Variants in MAST4 observed in about 807,000 individuals in gnomAD.
MAST4 encodes the protein microtubule associated serine/threonine kinase family member 4.
A neutral mutation model predicts 162.7 loss-of-function variants in MAST4; 89 were observed. The observed-to-expected ratio is 0.55, with a 90% CI of 0.46 to 0.65. The LOEUF (loss-of-function observed/expected upper bound fraction) is 0.65, where lower values mean the gene tolerates loss of function less well. Ranked by LOEUF, MAST4 falls within the 30% of genes least tolerant of loss-of-function variation. The pLI, the probability that MAST4 is intolerant of heterozygous loss-of-function variation, is 0.00. For missense variants in MAST4, 3,153 were observed against 3,374.0 expected, an observed-to-expected ratio of 0.93 and a Z score of 1.62; for synonymous variants, 1,479 against 1,361.1, an observed-to-expected ratio of 1.09 and a Z score of -1.91.
At chr5:66,652,807 T>C (rs886993949) in intron 1 of MAST4, among the ~76,000 whole-genome samples, 2 of 152,232 alleles carry the variant, frequency 1.3e-5, no homozygotes, top group Non-Finnish European at 2.9e-5. Context: ...ACATTTAGCT[T>C]TCTTTAGGTT....
At chr5:66,916,610 T>C (rs990327971) in intron 4 of MAST4, among the ~76,000 whole-genome samples, 7 of 152,224 alleles carry the variant, frequency 4.6e-5, no homozygotes, top group Admixed American at 6.5e-5. Context: ...TAGGTAGTCA[T>C]TGTTAGACTG....
intron 4 of MAST4, among the ~76,000 whole-genome samples, chr5:66,938,363 T>A (rs1466389596): frequency 6.6e-6 from 1 of 152,210 alleles, no homozygotes; most frequent in African/African-American, 2.4e-5. Flanking sequence ...ACATAGTGCC[T>A]TGTTCATATT....
At chr5:67,095,485 C>A in intron 6 of MAST4, 112 bp from the exon 7 acceptor site, 4 of 727,022 alleles carry the variant, frequency 5.5e-6, no homozygotes, top group Non-Finnish European at 8.9e-6. Context: ...ATTTCCACAT[C>A]CTCACAGACT....
chr5:67,057,236 T>A (rs991595118), intron 5 of MAST4, among the ~76,000 whole-genome samples: 1 of 152,216 alleles, frequency 6.6e-6, no homozygotes. Context: ...TCTGTTGCTA[T>A]GTTCTCTATC....
intron 4 of MAST4, among the ~76,000 whole-genome samples, chr5:66,940,173 G>A (rs1743211976): frequency 6.6e-6 from 1 of 152,128 alleles, no homozygotes; most frequent in Admixed American, 6.6e-5. Flanking sequence ...ACAAGATCCT[G>A]TGAGCCTTCA....
intron 5 of MAST4, among the ~76,000 whole-genome samples, chr5:67,075,595 A>AG (rs1340771079): frequency 8.9e-4 from 135 of 152,284 alleles, no homozygotes; most frequent in African/African-American, 3.2e-3. Context: ...TTTATCTTTT[A>AG]GAAAAAAAAA....
At chr5:66,720,008 T>C (rs1751094688) in intron 1 of MAST4, among the ~76,000 whole-genome samples, 1 of 152,204 alleles carries the variant, frequency 6.6e-6, no homozygotes, top group Non-Finnish European at 1.5e-5. Context: ...AATGTAATAA[T>C]AGTAATACCA....
rs541639193 is a variant in MAST4, at chr5:66,934,214, C to CTTTATTTTATTTTATTTTAT, written c.674+34246_674+34265dup. Among the ~76,000 whole-genome samples, 141 of 150,128 alleles carry CTTTATTTTATTTTATTTTAT rather than the reference C, an allele frequency of 9.4e-4. 1 individual carries two copies. Among genetic ancestry groups the CTTTATTTTATTTTATTTTAT allele is most frequent in the Middle Eastern group, 6.8e-3 (2 of 292 alleles). ...TATTGACTACTCTGGCAGAGGCTTC[C>CTTTATTTTATTTTATTTTAT]TTTATTTTATTTTATTTTATTTTAT... On this transcript the variant is annotated intron_variant, in intron 4 of 28. Coordinates refer to ENST00000403625, the MANE Select transcript of MAST4 (RefSeq NM_001164664.2).
At chr5:66,736,684 G>A (rs1443035274) in intron 1 of MAST4, among the ~76,000 whole-genome samples, 1 of 152,174 alleles carries the variant, frequency 6.6e-6, no homozygotes, top group East Asian at 1.9e-4. Flanking sequence ...GTTAACAGTG[G>A]TCTATTCTTT....
At chr5:66,773,941 G>T (rs1754470260) in intron 2 of MAST4, among the ~76,000 whole-genome samples, 1 of 152,228 alleles carries the variant, frequency 6.6e-6, no homozygotes, top group Non-Finnish European at 1.5e-5. Context: ...GCATAAGGTT[G>T]TGCAGCTCCC....
intron 4 of MAST4, among the ~76,000 whole-genome samples, chr5:66,917,842 T>C (rs34075112): frequency 0.038 from 5,744 of 152,236 alleles, 213 homozygotes; most frequent in African/African-American, 0.094. Flanking sequence ...ACTCTCCTTT[T>C]ACACTTTCAT....
intron 2 of MAST4, among the ~76,000 whole-genome samples, chr5:66,763,624 T>C (rs1002252212): frequency 4.6e-5 from 7 of 152,226 alleles, no homozygotes; most frequent in African/African-American, 1.7e-4. Flanking sequence ...TGTTTTAATA[T>C]TGAAAGAGAC....
At position 66,923,955 on chromosome 5, in the gene MAST4, A is replaced by G. The variant is rs550958855; in HGVS notation, c.674+23973A>G. Among the ~76,000 whole-genome samples the G allele has an allele frequency of 5.3e-5, 8 of 152,246 alleles. No individual in the cohort carries two copies. In the South Asian group the frequency reaches 1.7e-3, roughly 32 times the overall value. On this transcript the variant is annotated intron_variant, in intron 4 of 28. Transcript: ENST00000403625. ...GCTCATCTTAAGATGTGTTTTAAAA[A>G]CCTGTCATAAAAGAGTTAGGTGGCC... is the stretch of plus-strand genomic sequence containing the variant.
Position 67,165,768 on chromosome 5 carries a change from G to A in MAST4, c.6589G>A (p.Gly2197Ser). 1 of 1,600,990 alleles carries A rather than the reference G, an allele frequency of 6.2e-7. No individual in the cohort carries two copies. The highest frequency in any genetic ancestry group is 8.5e-7 in the Non-Finnish European group (1 of 1,174,124). ...AAGCAGCAGCCACAAGCCCCGGCCTGGCCCTGACCCGGGCCCTCCAAAGAC... is the reference window on the plus strand; with the variant it reads ...AAGCAGCAGCCACAAGCCCCGGCCTAGCCCTGACCCGGGCCCTCCAAAGAC... ...SESSSHKPRPGPDPGPPKTKH... is the reference protein window; with the variant it reads ...SESSSHKPRPSPDPGPPKTKH... Residue 2197 changes from glycine to serine, a missense_variant, in exon 29 of 29, where the codon GGC becomes AGC. By Grantham distance (56) the Gly-to-Ser change is moderately conservative (BLOSUM62 0). This residue lies in a region of MAST4 where 1,644 missense variants were observed against 1,495.0 expected (regional missense o/e 1.10). Transcript: ENST00000403625.
At chr5:66,920,536 C>G (rs71626476) in intron 4 of MAST4, among the ~76,000 whole-genome samples, 1,790 of 152,202 alleles carry the variant, frequency 0.012, 30 homozygotes, top group South Asian at 0.053. Context: ...AATACCTACA[C>G]TGAAACATTG....
chr5:67,018,230 T>C (rs1753550309), intron 4 of MAST4, among the ~76,000 whole-genome samples: 1 of 152,192 alleles, frequency 6.6e-6, no homozygotes, highest in African/African-American at 2.4e-5. Context: ...TGTGGTCTAC[T>C]GTTAATATGT....
At chr5:66,624,858 CAA>C (rs1011747720) in intron 1 of MAST4, among the ~76,000 whole-genome samples, 11 of 152,142 alleles carry the variant, frequency 7.2e-5, no homozygotes, top group Non-Finnish European at 1.5e-4. Flanking sequence ...GAAATCAACT[CAA>C]AATGGATGAA....
At chr5:67,053,204 G>A (rs1015901275) in intron 4 of MAST4, among the ~76,000 whole-genome samples, 1 of 152,176 alleles carries the variant, frequency 6.6e-6, no homozygotes, top group Non-Finnish European at 1.5e-5. Flanking sequence ...TGGGACTGTT[G>A]ACAAATGATA....
intron 1 of MAST4, among the ~76,000 whole-genome samples, chr5:66,703,555 G>A (rs1420313778): frequency 6.6e-6 from 1 of 152,156 alleles, no homozygotes; most frequent in Non-Finnish European, 1.5e-5. Context: ...TGCAGCAATG[G>A]ATGCAGCAGT....
Sources: allele counts gnomAD v4.1 joint callset (sites outside exome capture counted in the v4.1 genomes callset), GRCh38; gene constraint gnomAD v4.1.1; regional missense constraint gnomAD v4.1.1; transcripts MANE v1.5; gene names NCBI Gene and HGNC (gene_info 2026-07-23, HGNC 2026-07-21).